MSRB2: variants seen among roughly 807,000 people sequenced by gnomAD.
The protein encoded by MSRB2 is methionine sulfoxide reductase B2, also known as methionine-R-sulfoxide reductase B2, mitochondrial.
In MSRB2, 17 loss-of-function variants were observed where a neutral mutation model predicts 19.0. The ratio of observed to expected loss-of-function variants is 0.89; its 90% confidence interval spans 0.61 to 1.34. MSRB2 has a LOEUF of 1.34. Among genes scored for constraint, MSRB2 ranks in the 40% most tolerant of loss-of-function variants. The pLI is 0.00. For missense variants in MSRB2, 208 were observed against 237.6 expected (o/e 0.88, Z 0.82); for synonymous variants, 107 against 99.7 (o/e 1.07, Z -0.44).
intron 2 of MSRB2, among the ~76,000 whole-genome samples, chr10:23,109,174 C>T (rs1462748856): frequency 2.6e-5 from 4 of 152,116 alleles, no homozygotes; most frequent in African/African-American, 9.7e-5. Flanking sequence ...TCTTCATGGT[C>T]AGCTTGTGCA....
intron 4 of MSRB2, among the ~76,000 whole-genome samples, chr10:23,119,968 GAA>G (rs1428239003): frequency 6.6e-6 from 1 of 152,230 alleles, no homozygotes; most frequent in Non-Finnish European, 1.5e-5. Flanking sequence ...GCAAAAAAGA[GAA>G]AAGTCTTCTC....
chr10:23,108,079 T>C (rs1373875559), intron 2 of MSRB2, among the ~76,000 whole-genome samples: 1 of 151,860 alleles, frequency 6.6e-6, no homozygotes, highest in African/African-American at 2.4e-5. Flanking sequence ...TGCCTCAGCC[T>C]CCCGAGTAGC....
chr10:23,118,657 C>T (rs1473791400), intron 3 of MSRB2, among the ~76,000 whole-genome samples: 1 of 152,120 alleles, frequency 6.6e-6, no homozygotes, highest in African/African-American at 2.4e-5. Flanking sequence ...AGGGAACTTA[C>T]CATGTGCCCA....
chr10:23,117,995 A>G (rs949560476), intron 3 of MSRB2, among the ~76,000 whole-genome samples: 6 of 152,270 alleles, frequency 3.9e-5, no homozygotes, highest in African/African-American at 1.4e-4. Flanking sequence ...AAATTCAAAA[A>G]GATCTGAAAT....
At chr10:23,095,784 C>A in intron 1 of MSRB2, 58 bp downstream of exon 1, 1 of 1,140,622 alleles carries the variant, frequency 8.8e-7, no homozygotes, top group Non-Finnish European at 1.1e-6. Flanking sequence ...TTCATTTCAC[C>A]GGCTGCACCC....
chr10:23,095,927 C>T (rs1002200618), intron 1 of MSRB2, among the ~76,000 whole-genome samples: 3 of 151,716 alleles, frequency 2.0e-5, no homozygotes, highest in African/African-American at 7.3e-5. Flanking sequence ...GGGGACTGAC[C>T]CCTGTGAGAA....
chr10:23,117,083 G>C (rs1206219116), intron 3 of MSRB2, among the ~76,000 whole-genome samples: 1 of 152,178 alleles, frequency 6.6e-6, no homozygotes, highest in Non-Finnish European at 1.5e-5. Flanking sequence ...TATTCAGTCA[G>C]TGGGTGGCTT....
At chr10:23,099,159 T>G (rs959795980) in intron 1 of MSRB2, among the ~76,000 whole-genome samples, 9 of 152,170 alleles carry the variant, frequency 5.9e-5, no homozygotes, top group African/African-American at 2.2e-4. Context: ...ACATATGAAT[T>G]TGGAAGTTGG....
intron 3 of MSRB2, among the ~76,000 whole-genome samples, chr10:23,114,813 A>T (rs1407647767): frequency 6.6e-6 from 1 of 152,174 alleles, no homozygotes; most frequent in Non-Finnish European, 1.5e-5. Context: ...TAGCCAGCCA[A>T]AATATGAACC....
At chr10:23,107,489 T>C (rs1020414789) in intron 2 of MSRB2, among the ~76,000 whole-genome samples, 2 of 152,224 alleles carry the variant, frequency 1.3e-5, no homozygotes, top group South Asian at 2.1e-4. Flanking sequence ...TTTTCTATAA[T>C]AAACAACCAT....
intron 3 of MSRB2, among the ~76,000 whole-genome samples, chr10:23,111,970 A>G (rs369802571): frequency 3.3e-5 from 5 of 152,168 alleles, no homozygotes; most frequent in African/African-American, 1.2e-4. Context: ...TTTAAACTTA[A>G]AAGGCCACAT....
intron 2 of MSRB2, 53 bp from the exon 3 acceptor site, chr10:23,110,189 C>G (rs1840033992): frequency 7.1e-7 from 1 of 1,411,936 alleles, no homozygotes; most frequent in African/African-American, 1.4e-5. Flanking sequence ...GCTGTTTCAA[C>G]TCCTGCCAGT....
At chr10:23,119,719 C>T (rs1165077077) in intron 4 of MSRB2, among the ~76,000 whole-genome samples, 3 of 152,100 alleles carry the variant, frequency 2.0e-5, no homozygotes, top group African/African-American at 4.8e-5. Flanking sequence ...CTCAGCCTCC[C>T]GAGTAGTTGG....
chr10:23,095,638 C>T lies in MSRB2; in HGVS notation c.30C>T (p.Gly10=), dbSNP rs1489705357. 6.8e-7 allele frequency: 1 copy of T among 1,462,178 alleles called. No individual in the cohort carries two copies. The highest frequency in any genetic ancestry group is 9.0e-7 in the Non-Finnish European group (1 of 1,113,264). 90.6% of individuals were successfully genotyped at this position (1,462,178 alleles called of 1,614,324 possible). A position where few individuals can be genotyped will look rare whatever the true frequency, so the allele number is the denominator to read the frequency against. MARLLWLLR[G]LTLGTAPRRA... ...CGCGGCTCCTCTGGTTGCTCCGGGGCCTGACCCTCGGAACTGCGCCTCGGC... is the reference window on the plus strand; with the variant it reads ...CGCGGCTCCTCTGGTTGCTCCGGGGTCTGACCCTCGGAACTGCGCCTCGGC... The change falls in exon 1 of 5, where the codon GGC becomes GGT. Residue 10 remains glycine, a synonymous_variant. Coordinates refer to ENST00000376510, the MANE Select transcript of MSRB2 (RefSeq NM_012228.4).
chr10:23,095,732 A>ACG lies in MSRB2; in HGVS notation c.118+9_118+10dup. On this transcript the variant is annotated splice_region_variant and intron_variant, in intron 1 of 4. Coordinates refer to ENST00000376510, the MANE Select transcript of MSRB2 (RefSeq NM_012228.4). ...GCCGGGACTGGGGGAGGCAGGTAGG[A>ACG]CGCGGGTCCCGCAGGCCCCGCCGCC... The ACG allele has an allele frequency of 8.0e-7, 1 of 1,249,518 alleles. No homozygotes were observed. Among genetic ancestry groups the ACG allele is most frequent in the Middle Eastern group, 3.1e-4 (1 of 3,196 alleles). The allele number at this position is 1,249,518 out of a possible 1,614,324, so 77.4% of individuals were successfully genotyped here.
intron 2 of MSRB2, among the ~76,000 whole-genome samples, chr10:23,105,823 A>T (rs529132607): frequency 2.6e-5 from 4 of 152,220 alleles, no homozygotes; most frequent in African/African-American, 9.7e-5. Flanking sequence ...TGCTAAAGTC[A>T]TCAGAAGGGC....
intron 4 of MSRB2, 58 bp downstream of exon 4, chr10:23,119,509 C>T: frequency 1.9e-6 from 3 of 1,569,290 alleles, no homozygotes; most frequent in Non-Finnish European, 1.7e-6. Flanking sequence ...CCACAAAGAG[C>T]TCTCTTGTTC....
At position 23,120,921 on chromosome 10, in the gene MSRB2, A is replaced by C; in HGVS notation, c.*59A>C. 1 of 1,269,528 alleles carries C rather than the reference A, an allele frequency of 7.9e-7. No individual in the cohort carries two copies. Among genetic ancestry groups the C allele is most frequent in the Non-Finnish European group, 1.1e-6 (1 of 882,326 alleles). 78.6% of individuals were successfully genotyped at this position (1,269,528 alleles called of 1,614,324 possible). On this transcript the variant is annotated 3_prime_UTR_variant, in exon 5 of 5. Coordinates refer to ENST00000376510, the MANE Select transcript of MSRB2 (RefSeq NM_012228.4). ...TTCACGTGCACCCTCAATTTCCACAATTCACTTGAATGACTTGTTTTATTT... is the reference window on the plus strand; with the variant it reads ...TTCACGTGCACCCTCAATTTCCACACTTCACTTGAATGACTTGTTTTATTT...
intron 1 of MSRB2, among the ~76,000 whole-genome samples, chr10:23,099,924 C>A (rs950814296): frequency 6.6e-6 from 1 of 152,240 alleles, no homozygotes; most frequent in Non-Finnish European, 1.5e-5. Flanking sequence ...TAGCTCTTCT[C>A]TAATTCCCAC....
Sources: allele counts gnomAD v4.1 joint callset (sites outside exome capture counted in the v4.1 genomes callset), GRCh38; gene constraint gnomAD v4.1.1; transcripts MANE v1.5; gene names NCBI Gene and HGNC (gene_info 2026-07-23, HGNC 2026-07-21).